INPP5A: variants seen among roughly 807,000 people sequenced by gnomAD.
The protein encoded by INPP5A is inositol polyphosphate-5-phosphatase A.
A neutral mutation model predicts 65.2 loss-of-function variants in INPP5A; 14 were observed. The ratio of observed to expected loss-of-function variants is 0.21; its 90% CI spans 0.14 to 0.34. INPP5A has a LOEUF of 0.34. Ranked by LOEUF, INPP5A falls within the 10% of genes least tolerant of loss-of-function variation. The pLI is 1.00. For missense variants in INPP5A, 431 were observed against 545.6 expected (o/e 0.79, Z 2.09); for synonymous variants, 207 against 208.3 (o/e 0.99, Z 0.05).
At chr10:132,613,720 A>G (rs562166865) in intron 2 of INPP5A, among the ~76,000 whole-genome samples, 1 of 152,276 alleles carries the variant, frequency 6.6e-6, no homozygotes, top group African/African-American at 2.4e-5. Flanking sequence ...CAGCGGCTGC[A>G]CTGAGGGGCC....
chr10:132,556,752 G>C (rs1233110817), intron 1 of INPP5A, among the ~76,000 whole-genome samples: 1 of 151,730 alleles, frequency 6.6e-6, no homozygotes, highest in Non-Finnish European at 1.5e-5. Context: ...CATTGCCTTG[G>C]TTACTTGTAT....
intron 1 of INPP5A, among the ~76,000 whole-genome samples, chr10:132,596,401 A>C (rs1393874173): frequency 6.6e-6 from 1 of 151,532 alleles, no homozygotes; most frequent in African/African-American, 2.4e-5. Flanking sequence ...AGGACACCCA[A>C]GTGTGTGTGC....
In INPP5A at chr10:132,741,951, C is replaced by A. The variant is rs1846280835; in HGVS notation, c.733-7566C>A. On this transcript the variant is annotated intron_variant, in intron 9 of 15. Transcript: ENST00000368594. This position sits in a 1 kb window ranked among gnomAD's most constrained non-coding sequence, Gnocchi z 4.4. ...AAAGGATGCATACTTACAGAGAAGG[C>A]GCTCACTCCTGAGGGAGAGCAAAGG... Among the ~76,000 whole-genome samples the A allele has an allele frequency of 6.6e-6, 1 of 152,272 alleles. No homozygotes were observed. Among genetic ancestry groups the A allele is most frequent in the Non-Finnish European group, 1.5e-5 (1 of 68,020 alleles).
At chr10:132,679,261 C>T (rs2073010851) in intron 4 of INPP5A, among the ~76,000 whole-genome samples, 1 of 152,166 alleles carries the variant, frequency 6.6e-6, no homozygotes, top group South Asian at 2.1e-4. Context: ...GGCATATGGA[C>T]AAGATGCTGG....
chr10:132,628,775 C>G (rs2072227768), intron 2 of INPP5A, among the ~76,000 whole-genome samples: 1 of 152,190 alleles, frequency 6.6e-6, no homozygotes, highest in Admixed American at 6.5e-5. Flanking sequence ...AAAAGCTTCT[C>G]TTAGAATCTA....
chr10:132,686,813 TA>T (rs1299266266), intron 4 of INPP5A, among the ~76,000 whole-genome samples: 1 of 152,256 alleles, frequency 6.6e-6, no homozygotes, highest in African/African-American at 2.4e-5. Context: ...ATATCTTCTA[TA>T]AAGAAGGGCT....
intron 11 of INPP5A, among the ~76,000 whole-genome samples, chr10:132,754,169 G>T (rs148191304): frequency 1.3e-5 from 2 of 152,292 alleles, no homozygotes; most frequent in African/African-American, 2.4e-5. Context: ...GGATCCCCCC[G>T]CCACCTGGCC....
chr10:132,672,995 T>C (rs2072912775), intron 4 of INPP5A, among the ~76,000 whole-genome samples: 1 of 152,222 alleles, frequency 6.6e-6, no homozygotes. Flanking sequence ...TAGTTTCCCG[T>C]TGACCTTAAT....
At chr10:132,732,821 C>G (rs767861870) in intron 9 of INPP5A, among the ~76,000 whole-genome samples, 2 of 152,132 alleles carry the variant, frequency 1.3e-5, no homozygotes, top group African/African-American at 2.4e-5. Context: ...AGGGTCACGG[C>G]CTGTCTTCTG....
rs1847180370 is a variant in INPP5A at position 132,782,383 on chromosome 10, A to G, written c.*354A>G. ...GCCAGTGGAGGGGCTTCTTCAGCAC[A>G]GAGACCCCCCACTGTGTCCAGGGAC... On this transcript the variant is annotated 3_prime_UTR_variant, in exon 16 of 16. Coordinates refer to ENST00000368594, the MANE Select transcript of INPP5A (RefSeq NM_005539.5). This position sits in a 1 kb window ranked among gnomAD's most constrained non-coding sequence, Gnocchi z 4.4. 3.1e-6 allele frequency: 1 copy of G among 324,048 alleles called. No homozygotes were observed. The highest frequency in any genetic ancestry group is 6.0e-6 in the Non-Finnish European group (1 of 167,798). 20.1% of individuals were successfully genotyped at this position (324,048 alleles called of 1,614,324 possible). A position where few individuals can be genotyped will look rare whatever the true frequency, so the allele number is the denominator to read the frequency against.
At chr10:132,662,242 TA>T (rs1056925064) in intron 4 of INPP5A, among the ~76,000 whole-genome samples, 3 of 151,944 alleles carry the variant, frequency 2.0e-5, no homozygotes, top group African/African-American at 4.8e-5. Flanking sequence ...ATGGAGGTCT[TA>T]AAAAAAACGT....
Position 132,695,006 on chromosome 10 carries a change from A to C in INPP5A, c.371-2810A>C, listed in dbSNP as rs192160742. ...TCTACAATCTTTTCCAGAAAATATA[A>C]GCAGAGGACAAACGTCCTAAATCAT... On this transcript the variant is annotated intron_variant, in intron 5 of 15. Coordinates refer to ENST00000368594, the MANE Select transcript of INPP5A (RefSeq NM_005539.5). 6.6e-5 allele frequency among the ~76,000 whole-genome samples: 10 copies of C among 152,346 alleles called. No individual in the cohort carries two copies. The East Asian group carries it at 1.9e-3, about 29-fold the overall frequency.
intron 5 of INPP5A, among the ~76,000 whole-genome samples, chr10:132,691,441 C>T (rs954188722): frequency 6.6e-6 from 1 of 152,220 alleles, no homozygotes; most frequent in Non-Finnish European, 1.5e-5. Flanking sequence ...GAGCGGCCGG[C>T]GAGAGTGGAG....
At position 132,627,723 on chromosome 10, in the gene INPP5A, G is replaced by A. The variant is rs1012997077; in HGVS notation, c.118-18145G>A. Among the ~76,000 whole-genome samples, 2 of 152,178 alleles carry A rather than the reference G, an allele frequency of 1.3e-5. No homozygotes were observed. The highest frequency in any genetic ancestry group is 6.5e-5 in the Admixed American group (1 of 15,284). ...TATAGTGAGAGGCGAGACAGGGGAT[G>A]CAGACGGGTAGATGCCACAGGGCCT... On this transcript the variant is annotated intron_variant, in intron 2 of 15. Coordinates refer to ENST00000368594, the MANE Select transcript of INPP5A (RefSeq NM_005539.5). This position sits in a 1 kb window ranked among gnomAD's most constrained non-coding sequence, Gnocchi z 6.6.
intron 8 of INPP5A, among the ~76,000 whole-genome samples, chr10:132,715,814 G>A (rs1188422777): frequency 3.3e-5 from 5 of 152,184 alleles, no homozygotes; most frequent in Non-Finnish European, 7.4e-5. Flanking sequence ...TCGTGGGCTC[G>A]TCCCAATCAG....
rs1473238136 is a variant in INPP5A, at chr10:132,572,006, T to G, written c.75+33835T>G. Among the ~76,000 whole-genome samples, 3 of 152,124 alleles carry G rather than the reference T, an allele frequency of 2.0e-5. No homozygotes were observed. The East Asian group carries it at 5.8e-4, about 29-fold the overall frequency. On this transcript the variant is annotated intron_variant, in intron 1 of 15. Transcript: ENST00000368594. ...ACTGTTTCCTGTGGTCCCTCCTGAC[T>G]AGAAGAGACTCAGGCCTGCTGAGTA...
chr10:132,738,419 C>A (rs1846215336), intron 9 of INPP5A, among the ~76,000 whole-genome samples: 1 of 152,364 alleles, frequency 6.6e-6, no homozygotes, highest in East Asian at 1.9e-4. Context: ...TGCCACATCC[C>A]CCTCCCCACG....
In INPP5A at chr10:132,645,857, T is replaced by C. The variant is rs2072486424; in HGVS notation, c.118-11T>C. On this transcript the variant is annotated splice_polypyrimidine_tract_variant and intron_variant, in intron 2 of 15. Transcript: ENST00000368594. Reference sequence around the variant, plus strand: ...TCCGACGACCCTGACAGTGTGCTTCTCTCCCTCCAGGTCGTGCACACACAC... The same window carrying C: ...TCCGACGACCCTGACAGTGTGCTTCCCTCCCTCCAGGTCGTGCACACACAC... 6 of 1,606,034 alleles carry C rather than the reference T, an allele frequency of 3.7e-6. No homozygotes were observed. Among genetic ancestry groups the C allele is most frequent in the Non-Finnish European group, 5.1e-6 (6 of 1,174,040 alleles).
rs879051437 is a variant in INPP5A, at chr10:132,782,235, T to C, written c.*206T>C. ...ACTGTCTCGTCTGTCTATGTGACATTAAGTAGAAATATTGGTTTTTTTTTT... is the reference window on the plus strand; with the variant it reads ...ACTGTCTCGTCTGTCTATGTGACATCAAGTAGAAATATTGGTTTTTTTTTT... On this transcript the variant is annotated 3_prime_UTR_variant, in exon 16 of 16. Coordinates refer to ENST00000368594, the MANE Select transcript of INPP5A (RefSeq NM_005539.5). This position sits in a 1 kb window ranked among gnomAD's most constrained non-coding sequence, Gnocchi z 4.4. 5.1e-5 allele frequency: 29 copies of C among 563,704 alleles called. No individual in the cohort carries two copies. Among genetic ancestry groups the C allele is most frequent in the South Asian group, 5.1e-4 (26 of 51,414 alleles). The allele number at this position is 563,704 out of a possible 1,614,324, so 34.9% of individuals were successfully genotyped here. A position where few individuals can be genotyped will look rare whatever the true frequency, so the allele number is the denominator to read the frequency against.
Sources: allele counts gnomAD v4.1 joint callset (sites outside exome capture counted in the v4.1 genomes callset), GRCh38; gene constraint gnomAD v4.1.1; non-coding constraint Gnocchi (gnomAD v3.1); transcripts MANE v1.5; gene names NCBI Gene and HGNC (gene_info 2026-07-23, HGNC 2026-07-21).